The following GRM4 variants were observed in gnomAD, a reference collection of about 807,000 sequenced individuals.
GRM4 encodes the protein glutamate metabotropic receptor 4.
GRM4 carries 28 observed loss-of-function variants against 81.7 expected under a neutral mutation model. That is an observed-to-expected ratio of 0.34 (90% CI 0.25 to 0.47). The LOEUF (loss-of-function observed/expected upper bound fraction) is 0.47. Ranked by LOEUF, GRM4 falls within the 20% of genes least tolerant of loss-of-function variation. GRM4 has a pLI of 1.00. For missense variants in GRM4, 948 were observed against 1,290.0 expected, an observed-to-expected ratio of 0.73 and a Z score of 4.06; for synonymous variants, 488 against 528.8, an observed-to-expected ratio of 0.92 and a Z score of 1.06.
Position 34,067,114 on chromosome 6 carries a change from G to A in GRM4, c.737-5086C>T, listed in dbSNP as rs116193048. 1.2e-3 allele frequency among the ~76,000 whole-genome samples: 190 copies of A among 152,238 alleles called. 1 individual carries two copies. Among genetic ancestry groups the A allele is most frequent in the East Asian group, 6.2e-3 (32 of 5,168 alleles). ...CCCTCCGCTGGTGTGAGCTGGAACCGTCACCACCCCAGGCTTCAGGCATCC... is the reference window on the plus strand; with the variant it reads ...CCCTCCGCTGGTGTGAGCTGGAACCATCACCACCCCAGGCTTCAGGCATCC... On this transcript the variant is annotated intron_variant, in intron 3 of 10. Coordinates refer to ENST00000538487, the MANE Select transcript of GRM4 (RefSeq NM_000841.4).
chr6:34,102,108 G>T, intron 2 of GRM4: 1 of 1,535,624 alleles, frequency 6.5e-7, no homozygotes, highest in Non-Finnish European at 8.7e-7. Flanking sequence ...AGCTTGGGAA[G>T]AGTTTGCACC....
In GRM4 at chr6:34,059,341, T is replaced by C; in HGVS notation, c.873-213A>G. On this transcript the variant is annotated intron_variant, in intron 4 of 10. Coordinates refer to ENST00000538487, the MANE Select transcript of GRM4 (RefSeq NM_000841.4). The surrounding 1 kb of genome is among the most constrained non-coding windows in gnomAD (Gnocchi z 5.7). ...CCCATGGCTACCGCCTCATCCAACC[T>C]GCCTGCCCCTGGGCCCACGCCTGCT... is the stretch of plus-strand genomic sequence containing the variant. 1 of 582,112 alleles carries C rather than the reference T, an allele frequency of 1.7e-6. No individual in the cohort carries two copies. The highest frequency in any genetic ancestry group is 3.1e-6 in the Non-Finnish European group (1 of 325,004). 36.1% of individuals were successfully genotyped at this position (582,112 alleles called of 1,614,324 possible).
chr6:34,069,589 G>C lies in GRM4; in HGVS notation c.737-7561C>G, dbSNP rs1217224637. On this transcript the variant is annotated intron_variant, in intron 3 of 10. Coordinates refer to ENST00000538487, the MANE Select transcript of GRM4 (RefSeq NM_000841.4). This position sits in a 1 kb window ranked among gnomAD's most constrained non-coding sequence, Gnocchi z 6.4. ...CTCCTGCGTGTGACCCCGCTCCCCAGCTCATCAGTCTCCAGCCCCTCAACA... is the reference window on the plus strand; with the variant it reads ...CTCCTGCGTGTGACCCCGCTCCCCACCTCATCAGTCTCCAGCCCCTCAACA... 6.7e-6 allele frequency among the ~76,000 whole-genome samples: 1 copy of C among 150,224 alleles called. No individual in the cohort carries two copies. The highest frequency in any genetic ancestry group is 2.5e-5 in the African/African-American group (1 of 40,310).
At chr6:34,112,365 AG>A (rs1203502491) in intron 2 of GRM4, among the ~76,000 whole-genome samples, 1 of 152,150 alleles carries the variant, frequency 6.6e-6, no homozygotes, top group Non-Finnish European at 1.5e-5. Context: ...CACCAATCAG[AG>A]GGGTTTCCCA....
Position 34,133,737 on chromosome 6 carries a change from T to C in GRM4, c.-241A>G. 1.6e-6 allele frequency: 2 copies of C among 1,287,128 alleles called. No individual in the cohort carries two copies. Among genetic ancestry groups the C allele is most frequent in the Admixed American group, 3.8e-5 (1 of 26,012 alleles). The allele number at this position is 1,287,128 out of a possible 1,614,324, so 79.7% of individuals were successfully genotyped here. On this transcript the variant is annotated 5_prime_UTR_variant, in exon 2 of 11. Coordinates refer to ENST00000538487, the MANE Select transcript of GRM4 (RefSeq NM_000841.4). The surrounding 1 kb of genome is among the most constrained non-coding windows in gnomAD (Gnocchi z 6.5). ...AGTGGCCGGGGTTGCAGGAAGGCTC[T>C]GATCCTTGTCCCGTCCTGCAGGCCT...
chr6:34,106,425 A>AG (rs1647452334), intron 2 of GRM4, among the ~76,000 whole-genome samples: 1 of 150,906 alleles, frequency 6.6e-6, no homozygotes, highest in Admixed American at 6.6e-5. Flanking sequence ...AAAAAAAAAA[A>AG]AAAGAAAGAA....
At chr6:34,073,246 A>ATG in intron 3 of GRM4, among the ~76,000 whole-genome samples, 2 of 162 alleles carry the variant, frequency 0.012, no homozygotes, top group Non-Finnish European at 0.033. Flanking sequence ...TGCCACACAC[A>ATG]CACATCACCA....
chr6:34,118,736 TCA>T (rs1422917487), intron 2 of GRM4, among the ~76,000 whole-genome samples: 6 of 152,188 alleles, frequency 3.9e-5, no homozygotes, highest in African/African-American at 1.2e-4. Flanking sequence ...TGGGCCATCC[TCA>T]CATGCTAATT....
intron 2 of GRM4, chr6:34,103,632 G>C: frequency 6.5e-7 from 1 of 1,535,356 alleles, no homozygotes; most frequent in South Asian, 1.2e-5. Flanking sequence ...GTGATCTGTG[G>C]GGGAGGCCGG....
At chr6:34,063,477 TG>T (rs1343790697) in intron 3 of GRM4, 3 of 152,484 alleles carry the variant, frequency 2.0e-5, no homozygotes, top group Admixed American at 2.0e-4. Flanking sequence ...AAGGAGTGGC[TG>T]CTCTGTGCCA....
intron 3 of GRM4, among the ~76,000 whole-genome samples, chr6:34,076,202 T>C (rs1044178545): frequency 1.3e-5 from 2 of 152,214 alleles, no homozygotes; most frequent in Non-Finnish European, 2.9e-5. Flanking sequence ...CAAAATGAAA[T>C]GCTGAGATGT....
chr6:34,094,672 C>T (rs1768414776), intron 2 of GRM4, among the ~76,000 whole-genome samples: 1 of 152,202 alleles, frequency 6.6e-6, no homozygotes, highest in Admixed American at 6.5e-5. Context: ...GTTTACCTCT[C>T]TTGCTGGCCT....
chr6:34,083,839 G>A (rs1767740895), intron 3 of GRM4, among the ~76,000 whole-genome samples: 1 of 152,132 alleles, frequency 6.6e-6, no homozygotes, highest in African/African-American at 2.4e-5. Flanking sequence ...TCAAACCCCC[G>A]CTCCCTGCTC....
intron 9 of GRM4, among the ~76,000 whole-genome samples, chr6:34,031,610 C>T (rs950247706): frequency 6.6e-6 from 1 of 152,342 alleles, no homozygotes; most frequent in East Asian, 1.9e-4. Flanking sequence ...TTCCCCACAC[C>T]CTGATTGCCT....
At chr6:34,027,886 C>T (rs901852843) in intron 10 of GRM4, among the ~76,000 whole-genome samples, 7 of 152,322 alleles carry the variant, frequency 4.6e-5, no homozygotes, top group African/African-American at 1.4e-4. Flanking sequence ...TTGAGGTTCT[C>T]TCCAGGCCAC....
chr6:34,103,637 G>A (rs1432360512), intron 2 of GRM4: 3 of 1,534,592 alleles, frequency 2.0e-6, no homozygotes, highest in East Asian at 2.4e-5. Context: ...CTGTGGGGGA[G>A]GCCGGGAGGA....
intron 2 of GRM4, chr6:34,103,837 G>T: frequency 7.0e-7 from 1 of 1,428,830 alleles, no homozygotes; most frequent in Non-Finnish European, 9.1e-7. Context: ...TGAAAGACTG[G>T]GATGTGTCAG....
intron 1 of GRM4, among the ~76,000 whole-genome samples, chr6:34,154,438 C>G (rs2127522294): frequency 6.6e-6 from 1 of 152,358 alleles, no homozygotes; most frequent in South Asian, 2.1e-4. Context: ...ATCCCGCTCA[C>G]TGGTCTGCCT....
chr6:34,126,831 A>G (rs746873696), intron 2 of GRM4, among the ~76,000 whole-genome samples: 13 of 152,112 alleles, frequency 8.5e-5, no homozygotes, highest in Non-Finnish European at 1.9e-4. Flanking sequence ...ATCAGCTGGG[A>G]GTTCTATGGG....
Sources: allele counts gnomAD v4.1 joint callset (sites outside exome capture counted in the v4.1 genomes callset), GRCh38; gene constraint gnomAD v4.1.1; non-coding constraint Gnocchi (gnomAD v3.1); transcripts MANE v1.5; gene names NCBI Gene and HGNC (gene_info 2026-07-23, HGNC 2026-07-21).